BMP3: variants seen among roughly 807,000 people sequenced by gnomAD.
BMP3 encodes the protein bone morphogenetic protein 3, also known as bone morphogenetic protein 3 (osteogenic).
Under a neutral mutation model 38.1 loss-of-function variants are expected in BMP3, and 23 were observed. The ratio of observed to expected loss-of-function variants is 0.60; its 90% CI spans 0.43 to 0.86. The LOEUF is 0.86. Ranked by LOEUF, BMP3 falls within the 40% of genes least tolerant of loss-of-function variation. The probability of loss-of-function intolerance (pLI) is 0.00; values close to 1 mark genes in which losing one functional copy is unlikely to be tolerated. For missense variants in BMP3, 628 were observed against 579.6 expected (o/e 1.08, Z -0.86); for synonymous variants, 258 against 225.7 (o/e 1.14, Z -1.28).
chr4:81,045,604 C>G (rs1169168774), intron 1 of BMP3, 134 bp from the exon 2 acceptor site: 1 of 671,084 alleles, frequency 1.5e-6, no homozygotes, highest in Non-Finnish European at 2.3e-6. Flanking sequence ...AAGATTTACC[C>G]CTAGGTTTCT....
At chr4:81,035,199 C>T (rs1388406999) in intron 1 of BMP3, among the ~76,000 whole-genome samples, 1 of 152,024 alleles carries the variant, frequency 6.6e-6, no homozygotes, top group Admixed American at 6.6e-5. Flanking sequence ...ACATTTAAAA[C>T]ATCATAATGT....
rs141548163 is a variant in BMP3 at position 81,047,651 on chromosome 4, A to G, written c.1227+1003A>G. On this transcript the variant is annotated intron_variant, in intron 2 of 2. Coordinates refer to ENST00000282701, the MANE Select transcript of BMP3 (RefSeq NM_001201.5). ...CCATTTTTGCTATTGTATGATAATG[A>G]AGAAAAAATCCTTTGTCTCAACAAA... 2.1e-3 allele frequency among the ~76,000 whole-genome samples: 315 copies of G among 152,286 alleles called. 1 individual carries two copies. The highest frequency in any genetic ancestry group is 3.3e-3 in the East Asian group (17 of 5,178).
At chr4:81,034,805 AT>A (rs1471335028) in intron 1 of BMP3, among the ~76,000 whole-genome samples, 2 of 152,150 alleles carry the variant, frequency 1.3e-5, no homozygotes, top group Admixed American at 1.3e-4. Flanking sequence ...TAATTATAAT[AT>A]TGAAATGTTT....
chr4:81,050,875 T>C lies in BMP3; in HGVS notation c.1228-2470T>C, dbSNP rs181748753. The stretch of plus-strand genomic sequence containing the variant: ...TTTTAACTTGTTTAATAAAGAGTCA[T>C]GAGAAACATGACCTGAACTCAGAAA... On this transcript the variant is annotated intron_variant, in intron 2 of 2. Coordinates refer to ENST00000282701, the MANE Select transcript of BMP3 (RefSeq NM_001201.5). 7.0e-4 allele frequency among the ~76,000 whole-genome samples: 106 copies of C among 152,258 alleles called. 1 individual carries two copies. The highest frequency in any genetic ancestry group is 2.3e-3 in the African/African-American group (95 of 41,566).
chr4:81,039,920 G>C (rs1740025409), intron 1 of BMP3, among the ~76,000 whole-genome samples: 1 of 152,228 alleles, frequency 6.6e-6, no homozygotes, highest in South Asian at 2.1e-4. Flanking sequence ...CAAGGAAATG[G>C]GTTGTCATGA....
chr4:81,038,069 C>T (rs1226819548), intron 1 of BMP3, among the ~76,000 whole-genome samples: 1 of 152,162 alleles, frequency 6.6e-6, no homozygotes, highest in Admixed American at 6.6e-5. Context: ...AAACCAGCCT[C>T]TTAAAATCTA....
chr4:81,049,312 A>G (rs1455910647), intron 2 of BMP3, among the ~76,000 whole-genome samples: 3 of 152,192 alleles, frequency 2.0e-5, no homozygotes, highest in Non-Finnish European at 4.4e-5. Flanking sequence ...TCCCTTTTCA[A>G]ACATCACAAA....
At chr4:81,039,143 A>G (rs1181483524) in intron 1 of BMP3, among the ~76,000 whole-genome samples, 1 of 152,140 alleles carries the variant, frequency 6.6e-6, no homozygotes, top group Non-Finnish European at 1.5e-5. Flanking sequence ...TGCAATCTTG[A>G]CTAAGTAATC....
rs1466742476 is a variant in BMP3, at chr4:81,057,279, G to T, written c.*3743G>T. 1 of 151,578 alleles carries T rather than the reference G, an allele frequency of 6.6e-6. No homozygotes were observed. The highest frequency in any genetic ancestry group is 1.5e-5 in the Non-Finnish European group (1 of 67,870). The allele number at this position is 151,578 out of a possible 1,614,324, so 9.4% of individuals were successfully genotyped here. ...GCTTTTAATTTATTTAATGACTATT[G>T]CCTTCCTATAATAATAATTTTCATC... On this transcript the variant is annotated 3_prime_UTR_variant, in exon 3 of 3. Transcript: ENST00000282701.
chr4:81,040,149 A>G (rs150365632), intron 1 of BMP3, among the ~76,000 whole-genome samples: 4 of 152,326 alleles, frequency 2.6e-5, no homozygotes, highest in East Asian at 3.9e-4. Context: ...AATTCAAAAT[A>G]TAAGATTATA....
chr4:81,033,496 G>C (rs1180922081), intron 1 of BMP3, among the ~76,000 whole-genome samples: 2 of 152,118 alleles, frequency 1.3e-5, no homozygotes, highest in African/African-American at 4.8e-5. Context: ...ATATATACAA[G>C]GCTGTGTGCC....
chr4:81,053,537 C>T lies in BMP3; in HGVS notation c.*1C>T. On this transcript the variant is annotated 3_prime_UTR_variant, in exon 3 of 3. Coordinates refer to ENST00000282701, the MANE Select transcript of BMP3 (RefSeq NM_001201.5). The stretch of plus-strand genomic sequence containing the variant: ...AGTAGAGTCTTGCGCTTGCAGATAA[C>T]CTGGCAAAGAACTCATTTGAATGCT... 1 of 1,464,736 alleles carries T rather than the reference C, an allele frequency of 6.8e-7. No individual in the cohort carries two copies. Among genetic ancestry groups the T allele is most frequent in the Non-Finnish European group, 9.0e-7 (1 of 1,105,118 alleles). The allele number at this position is 1,464,736 out of a possible 1,614,324, so 90.7% of individuals were successfully genotyped here. A position where few individuals can be genotyped will look rare whatever the true frequency, so the allele number is the denominator to read the frequency against.
At chr4:81,032,381 A>G (rs1739805431) in intron 1 of BMP3, among the ~76,000 whole-genome samples, 1 of 152,134 alleles carries the variant, frequency 6.6e-6, no homozygotes, top group African/African-American at 2.4e-5. Context: ...TTTTCAGCAC[A>G]GATCACTTCG....
intron 1 of BMP3, among the ~76,000 whole-genome samples, chr4:81,041,896 C>T (rs1740085288): frequency 1.3e-5 from 2 of 152,084 alleles, no homozygotes; most frequent in African/African-American, 4.8e-5. Context: ...AATTCTGCTC[C>T]AAGCATAGCT....
At chr4:81,050,565 T>C (rs1740377502) in intron 2 of BMP3, among the ~76,000 whole-genome samples, 1 of 151,704 alleles carries the variant, frequency 6.6e-6, no homozygotes, top group African/African-American at 2.4e-5. Flanking sequence ...AGCAAACACA[T>C]AGAATTAGGC....
rs1171024220 is a variant in BMP3, at chr4:81,046,458, G to A, written c.1037G>A (p.Ser346Asn). 6.2e-7 allele frequency: 1 copy of A among 1,614,076 alleles called. No individual in the cohort carries two copies. Among genetic ancestry groups the A allele is most frequent in the South Asian group, 1.1e-5 (1 of 91,074 alleles). The change falls in exon 2 of 3, where the codon AGC becomes AAC. Residue 346 changes from serine (S) to asparagine (N), a missense_variant. Coordinates refer to ENST00000282701, the MANE Select transcript of BMP3 (RefSeq NM_001201.5). ...KKQRKGPHRK[S>N]QTLQFDEQTL... is the part of the protein sequence containing the mutation. ...CAGAGAAAGGGGCCTCATCGGAAGA[G>A]CCAGACGCTCCAATTTGATGAGCAG...
chr4:81,047,209 T>C (rs751998320), intron 2 of BMP3, among the ~76,000 whole-genome samples: 9 of 152,198 alleles, frequency 5.9e-5, no homozygotes, highest in Non-Finnish European at 1.0e-4. Flanking sequence ...TTTGCTTCAT[T>C]GCTAAACATC....
intron 1 of BMP3, among the ~76,000 whole-genome samples, chr4:81,033,682 A>G (rs1399018447): frequency 6.6e-6 from 1 of 152,176 alleles, no homozygotes; most frequent in Non-Finnish European, 1.5e-5. Context: ...CACACTAAAA[A>G]GACTATTATA....
In BMP3 at chr4:81,053,379, G is replaced by A; in HGVS notation, c.1262G>A (p.Ser421Asn). ...CCATCAAATCATGCTACCATCCAGAGTATAGTGAGAGCTGTGGGGGTCGTT... is the reference window on the plus strand; with the variant it reads ...CCATCAAATCATGCTACCATCCAGAATATAGTGAGAGCTGTGGGGGTCGTT... ...LKPSNHATIQSIVRAVGVVPG... is the reference protein window; with the variant it reads ...LKPSNHATIQNIVRAVGVVPG... The change falls in exon 3 of 3, where the codon AGT becomes AAT. Residue 421 changes from serine (S) to asparagine (N), a missense_variant. By Grantham distance (46) the Ser-to-Asn change is conservative (BLOSUM62 1). Transcript: ENST00000282701. 3 of 1,605,040 alleles carry A rather than the reference G, an allele frequency of 1.9e-6. No homozygotes were observed. The highest frequency in any genetic ancestry group is 2.5e-6 in the Non-Finnish European group (3 of 1,176,788).
Sources: gnomAD v4.1 joint callset for allele counts (sites outside exome capture counted in the v4.1 genomes callset) on GRCh38, gnomAD v4.1.1 for gene constraint, MANE v1.5 for transcripts, NCBI Gene and HGNC (gene_info 2026-07-23, HGNC 2026-07-21) for gene names.